Variants in TRDN observed in about 807,000 individuals in gnomAD.
TRDN encodes the protein triadin in skeletal muscle.
TRDN carries 161 observed loss-of-function variants against 149.7 expected under a neutral mutation model. The ratio of observed to expected loss-of-function variants is 1.08; its 90% CI spans 0.95 to 1.23. The LOEUF is 1.23. TRDN is among the 50% of genes most tolerant of loss of function. The pLI, the probability that TRDN is intolerant of heterozygous loss-of-function variation, is 0.00. For synonymous variants in TRDN, 294 were observed against 250.5 expected (o/e 1.17, Z -1.64); for missense variants, 896 against 823.5 (o/e 1.09, Z -1.08).
chr6:123,437,673 C>T lies in TRDN; in HGVS notation c.1051+390G>A, dbSNP rs570215778. 3.3e-5 allele frequency among the ~76,000 whole-genome samples: 5 copies of T among 152,174 alleles called. No homozygotes were observed. In the South Asian group the frequency reaches 1.0e-3, roughly 32 times the overall value. The stretch of plus-strand genomic sequence containing the variant: ...TAAGTTTCTGTGGAAGAGTAGGAGC[C>T]TAACTTCCTTGGACTCCTCGCTCCA... On this transcript the variant is annotated intron_variant, in intron 12 of 40. Coordinates refer to ENST00000334268, the MANE Select transcript of TRDN (RefSeq NM_006073.4).
intron 10 of TRDN, among the ~76,000 whole-genome samples, chr6:123,443,179 T>C (rs1266211489): frequency 6.6e-6 from 1 of 151,014 alleles, no homozygotes; most frequent in Non-Finnish European, 1.5e-5. Flanking sequence ...AAGAGAAAAG[T>C]CCATTTTAGA....
At chr6:123,220,471 C>T (rs1454611534) in intron 40 of TRDN, among the ~76,000 whole-genome samples, 1 of 151,672 alleles carries the variant, frequency 6.6e-6, no homozygotes, top group African/African-American at 2.4e-5. Context: ...CCAGATTGAC[C>T]TATAATTCTT....
chr6:123,510,244 A>G (rs1230139470), intron 7 of TRDN: 1 of 152,120 alleles, frequency 6.6e-6, no homozygotes, highest in Non-Finnish European at 1.5e-5. Context: ...ATATTTGGTT[A>G]TCTAACGGAA....
intron 40 of TRDN, among the ~76,000 whole-genome samples, chr6:123,219,135 GCAAC>G (rs1229067548): frequency 6.6e-6 from 1 of 151,894 alleles, no homozygotes; most frequent in Non-Finnish European, 1.5e-5. Flanking sequence ...AATATGCAAA[GCAAC>G]AGACTGTGTG....
chr6:123,468,472 A>G (rs901349979), intron 9 of TRDN, among the ~76,000 whole-genome samples: 11 of 152,122 alleles, frequency 7.2e-5, no homozygotes, highest in African/African-American at 2.7e-4. Context: ...TTTTCCATAC[A>G]AGTCAATTTG....
chr6:123,489,239 G>T (rs991355540), intron 9 of TRDN, among the ~76,000 whole-genome samples: 1 of 151,782 alleles, frequency 6.6e-6, no homozygotes, highest in Non-Finnish European at 1.5e-5. Context: ...AAAGGGATTT[G>T]GGAGAACATG....
rs1428885876 is a variant in TRDN, at chr6:123,503,793, ACTT to A, written c.716_718del (p.Glu239del). On this transcript the variant is annotated inframe_deletion, in exon 8 of 41. Transcript: ENST00000334268. ...TTTGGGTTTTGATGGTGTTTTCTGTACTTCTTTTACTTTTGCAGCTGTTTGCTT... is the reference window on the plus strand; with the variant it reads ...TTTGGGTTTTGATGGTGTTTTCTGTACTTTTACTTTTGCAGCTGTTTGCTT... The A allele has an allele frequency of 1.2e-6, 2 of 1,612,974 alleles. No individual in the cohort carries two copies. The highest frequency in any genetic ancestry group is 1.7e-6 in the Non-Finnish European group (2 of 1,179,536).
At chr6:123,319,252 C>T (rs1462969694) in intron 23 of TRDN, among the ~76,000 whole-genome samples, 1 of 151,380 alleles carries the variant, frequency 6.6e-6, no homozygotes, top group African/African-American at 2.4e-5. Flanking sequence ...TGGGATTTTA[C>T]CCTTGAATAC....
At chr6:123,589,193 C>A (rs1355313238) in intron 1 of TRDN, among the ~76,000 whole-genome samples, 1 of 152,190 alleles carries the variant, frequency 6.6e-6, no homozygotes, top group Non-Finnish European at 1.5e-5. Flanking sequence ...TGCAGAAAAT[C>A]TCCCAAATTA....
intron 12 of TRDN, among the ~76,000 whole-genome samples, chr6:123,426,246 A>T (rs560609181): frequency 2.0e-5 from 3 of 152,274 alleles, no homozygotes; most frequent in African/African-American, 4.8e-5. Flanking sequence ...AAAGGAAGCA[A>T]ATAATTTGGC....
chr6:123,565,387 C>A (rs1421979523), intron 2 of TRDN, among the ~76,000 whole-genome samples: 1 of 152,096 alleles, frequency 6.6e-6, no homozygotes, highest in African/African-American at 2.4e-5. Context: ...GATAACAGAG[C>A]GATCATACAC....
chr6:123,523,554 G>T (rs1185875585), intron 5 of TRDN, among the ~76,000 whole-genome samples: 1 of 152,100 alleles, frequency 6.6e-6, no homozygotes, highest in Non-Finnish European at 1.5e-5. Context: ...GATTAGCATG[G>T]ACCTGAGGGG....
chr6:123,308,636 G>A (rs1422741638), intron 24 of TRDN, among the ~76,000 whole-genome samples: 1 of 151,912 alleles, frequency 6.6e-6, no homozygotes, highest in Non-Finnish European at 1.5e-5. Context: ...TCTATGTAGA[G>A]TCTCCACAAG....
At chr6:123,230,086 C>T (rs1007783148) in intron 38 of TRDN, among the ~76,000 whole-genome samples, 2 of 151,844 alleles carry the variant, frequency 1.3e-5, no homozygotes, top group South Asian at 4.1e-4. Context: ...CACATGCACA[C>T]GTATGTTTAC....
At chr6:123,379,575 A>G (rs1396437360) in intron 16 of TRDN, among the ~76,000 whole-genome samples, 1 of 152,212 alleles carries the variant, frequency 6.6e-6, no homozygotes, top group Non-Finnish European at 1.5e-5. Flanking sequence ...AGATTTGGAC[A>G]TGCATCAGAA....
chr6:123,471,779 C>G (rs1777165903), intron 9 of TRDN: 1 of 151,908 alleles, frequency 6.6e-6, no homozygotes, highest in Non-Finnish European at 1.5e-5. Context: ...TTTTTTCTTT[C>G]TCACCTCCAA....
chr6:123,528,610 C>T (rs6939909), intron 5 of TRDN: 625,140 of 980,024 alleles, frequency 0.64, 202,137 homozygotes, highest in Non-Finnish European at 0.66. Flanking sequence ...CCTAACTATC[C>T]ATCACATACA....
At chr6:123,465,582 CAAAAAAAAAAAA>C (rs1223948612) in intron 9 of TRDN, among the ~76,000 whole-genome samples, 1 of 65,536 alleles carries the variant, frequency 1.5e-5, no homozygotes, top group African/African-American at 5.0e-5. Flanking sequence ...TTATGAACTG[CAAAAAAAAAAAA>C]AAAAAAAAAA....
At chr6:123,306,688 A>G (rs1279122591) in intron 24 of TRDN, among the ~76,000 whole-genome samples, 5 of 152,196 alleles carry the variant, frequency 3.3e-5, no homozygotes, top group African/African-American at 1.2e-4. Flanking sequence ...TCGAAAAACA[A>G]TACATAAAAT....
Sources: allele counts gnomAD v4.1 joint callset (sites outside exome capture counted in the v4.1 genomes callset), GRCh38; gene constraint gnomAD v4.1.1; transcripts MANE v1.5; gene names NCBI Gene and HGNC (gene_info 2026-07-23, HGNC 2026-07-21).